The following DPP6 variants were observed in gnomAD, a reference collection of about 807,000 sequenced individuals.
The protein encoded by DPP6 is A-type potassium channel modulatory protein DPP6.
A neutral mutation model predicts 122.6 loss-of-function variants in DPP6; 69 were observed. The observed-to-expected ratio is 0.56, with a 90% CI of 0.46 to 0.69. The LOEUF is 0.69. DPP6 is among the 30% of genes least tolerant of loss of function. DPP6 has a pLI of 0.00. For missense variants in DPP6, 928 were observed against 1,116.9 expected, an observed-to-expected ratio of 0.83 and a Z score of 2.41; for synonymous variants, 418 against 433.1, an observed-to-expected ratio of 0.97 and a Z score of 0.43.
At chr7:154,359,082 G>T (rs57986110) in intron 1 of DPP6, among the ~76,000 whole-genome samples, 4,347 of 152,306 alleles carry the variant, frequency 0.029, 198 homozygotes, top group African/African-American at 0.1. Flanking sequence ...GAAATGTGAT[G>T]CATGTGCTGG....
intron 1 of DPP6, among the ~76,000 whole-genome samples, chr7:154,320,243 C>T (rs1284535627): frequency 1.3e-5 from 2 of 152,018 alleles, no homozygotes; most frequent in Non-Finnish European, 2.9e-5. Flanking sequence ...GTGTGCTTTA[C>T]ACTGACGGTG....
chr7:154,704,619 T>A (rs1015968793), intron 7 of DPP6, among the ~76,000 whole-genome samples: 2 of 152,204 alleles, frequency 1.3e-5, no homozygotes, highest in Admixed American at 1.3e-4. Flanking sequence ...GCCATCAACA[T>A]CAAGGCAACA....
chr7:154,009,469 G>T (rs1049278387), intron 1 of DPP6, among the ~76,000 whole-genome samples: 1 of 146,852 alleles, frequency 6.8e-6, no homozygotes, highest in African/African-American at 2.6e-5. Context: ...GACCCCATGT[G>T]AGCCATCCCT....
intron 7 of DPP6, among the ~76,000 whole-genome samples, chr7:154,682,557 A>C (rs534545955): frequency 1.1e-3 from 173 of 152,360 alleles, no homozygotes; most frequent in Non-Finnish European, 1.9e-3. Context: ...ACGTGGAGAC[A>C]GAGAGGGCAC....
intron 17 of DPP6, chr7:154,865,240 A>G (rs1803758304): frequency 6.6e-6 from 1 of 152,300 alleles, no homozygotes; most frequent in Non-Finnish European, 1.5e-5. Context: ...TGCTCCTGCC[A>G]GTTCCCCTGA....
chr7:154,743,157 G>A (rs766837968), intron 8 of DPP6, among the ~76,000 whole-genome samples: 57 of 152,198 alleles, frequency 3.7e-4, no homozygotes, highest in Non-Finnish European at 6.8e-4. Context: ...CTCGGGCTCA[G>A]CTCTTTTATC....
chr7:154,693,019 T>C (rs190490076), intron 7 of DPP6, among the ~76,000 whole-genome samples: 106 of 152,296 alleles, frequency 7.0e-4, no homozygotes, highest in African/African-American at 2.3e-3. Flanking sequence ...CTCAAACTCC[T>C]GGGCTCAAGT....
chr7:154,660,399 G>A (rs1837565133), intron 6 of DPP6, among the ~76,000 whole-genome samples: 1 of 150,156 alleles, frequency 6.7e-6, no homozygotes, highest in Admixed American at 6.6e-5. Flanking sequence ...ATGGCGTATT[G>A]GCCGTAGTGT....
At chr7:154,474,576 C>T (rs41274994) in intron 2 of DPP6, among the ~76,000 whole-genome samples, 5,837 of 152,296 alleles carry the variant, frequency 0.038, 211 homozygotes, top group African/African-American at 0.084. Flanking sequence ...TGACCAATTA[C>T]ATCATATGAC....
intron 3 of DPP6, among the ~76,000 whole-genome samples, chr7:154,523,687 A>G (rs951086760): frequency 6.6e-6 from 1 of 152,100 alleles, no homozygotes; most frequent in Non-Finnish European, 1.5e-5. Flanking sequence ...ATGCTATTTC[A>G]CAATACACCT....
chr7:154,109,271 ACTTTT>A (rs954502691), intron 1 of DPP6, among the ~76,000 whole-genome samples: 2 of 152,226 alleles, frequency 1.3e-5, no homozygotes, highest in African/African-American at 4.8e-5. Context: ...GTATGCTGTT[ACTTTT>A]CTTTTCTTTT....
Position 154,099,026 on chromosome 7 carries a change from G to A in DPP6, c.243+45963G>A, listed in dbSNP as rs186568359. Reference sequence around the variant, plus strand: ...ACATCAGGATTTGTTCTAATATACTGATGCAGTGGACAGATTTATGATTTT... The same window carrying A: ...ACATCAGGATTTGTTCTAATATACTAATGCAGTGGACAGATTTATGATTTT... On this transcript the variant is annotated intron_variant, in intron 1 of 25. Transcript: ENST00000377770. Among the ~76,000 whole-genome samples the A allele has an allele frequency of 1.7e-4, 26 of 152,268 alleles. No individual in the cohort carries two copies. In the East Asian group the frequency reaches 4.8e-3, roughly 28 times the overall value.
At chr7:154,204,808 T>G (rs1426638422) in intron 1 of DPP6, among the ~76,000 whole-genome samples, 1 of 152,198 alleles carries the variant, frequency 6.6e-6, no homozygotes, top group Non-Finnish European at 1.5e-5. Context: ...TCTGTACGTG[T>G]GTGAGTATGT....
intron 1 of DPP6, among the ~76,000 whole-genome samples, chr7:154,110,999 T>A (rs898914859): frequency 3.9e-5 from 6 of 152,142 alleles, no homozygotes; most frequent in African/African-American, 1.4e-4. Flanking sequence ...GAGAAAGACC[T>A]GAATGTATCT....
intron 16 of DPP6, among the ~76,000 whole-genome samples, chr7:154,852,952 G>A (rs996021945): frequency 1.3e-4 from 20 of 152,316 alleles, no homozygotes; most frequent in Admixed American, 2.6e-4. Context: ...GAGAACAAGC[G>A]GCTCAGTGGG....
chr7:154,621,586 T>G (rs906748614), intron 5 of DPP6, among the ~76,000 whole-genome samples: 1 of 152,170 alleles, frequency 6.6e-6, no homozygotes, highest in African/African-American at 2.4e-5. Flanking sequence ...AGGCTGGTCT[T>G]GAACCCCTGA....
At chr7:153,771,457 A>G in the DPP6 span, among the ~76,000 whole-genome samples, 1 of 152,150 alleles carries the variant, frequency 6.6e-6, no homozygotes. Context: ...CTCCTGCCTC[A>G]GCCTCCCAAG....
chr7:153,884,671 A>G (rs1418440157), upstream of DPP6, among the ~76,000 whole-genome samples: 1 of 152,136 alleles, frequency 6.6e-6, no homozygotes, highest in African/African-American at 2.4e-5. Context: ...AACTATAAAA[A>G]TAGAAGGTTA....
At chr7:154,391,586 G>A (rs188594514) in intron 1 of DPP6, among the ~76,000 whole-genome samples, 1 of 152,230 alleles carries the variant, frequency 6.6e-6, no homozygotes, top group East Asian at 1.9e-4. Flanking sequence ...GGGCAGCTTC[G>A]GTCAATAACC....
Sources: allele counts gnomAD v4.1 joint callset (sites outside exome capture counted in the v4.1 genomes callset), GRCh38; gene constraint gnomAD v4.1.1; transcripts MANE v1.5; gene names NCBI Gene and HGNC (gene_info 2026-07-23, HGNC 2026-07-21).